The following DCAF8 variants were observed in gnomAD, a reference collection of about 807,000 sequenced individuals.
DCAF8 encodes the protein DDB1 and CUL4 associated factor 8, also known as DDB1- and CUL4-associated factor 8.
A neutral mutation model predicts 68.0 loss-of-function variants in DCAF8; 20 were observed. The observed-to-expected ratio is 0.29, with a 90% CI of 0.21 to 0.43. The LOEUF is 0.43. Ranked by LOEUF, DCAF8 falls within the 20% of genes least tolerant of loss-of-function variation. The pLI is 1.00. For missense variants in DCAF8, 460 were observed against 771.0 expected (o/e 0.60, Z 4.78); for synonymous variants, 230 against 276.9 (o/e 0.83, Z 1.68).
At chr1:160,222,490 T>C (rs144140924) in intron 11 of DCAF8, among the ~76,000 whole-genome samples, 161 bp downstream of exon 11, 1 of 152,342 alleles carries the variant, frequency 6.6e-6, no homozygotes, top group Admixed American at 6.5e-5. Flanking sequence ...AAATACTCCA[T>C]CAAAAACTCA....
At chr1:160,232,163 T>A (rs1655712483) in intron 6 of DCAF8, among the ~76,000 whole-genome samples, 1 of 151,604 alleles carries the variant, frequency 6.6e-6, no homozygotes, top group South Asian at 2.1e-4. Flanking sequence ...TGAGCAGAGA[T>A]CATGCCACGG....
chr1:160,250,937 G>A (rs1055026123), intron 2 of DCAF8, among the ~76,000 whole-genome samples: 4 of 151,980 alleles, frequency 2.6e-5, no homozygotes, highest in African/African-American at 9.7e-5. Flanking sequence ...CTTACCTTGA[G>A]CCCGATCGAA....
At chr1:160,224,416 A>G (rs752042764) in intron 10 of DCAF8, 26 bp downstream of exon 10, 53 of 1,587,064 alleles carry the variant, frequency 3.3e-5, no homozygotes, top group Non-Finnish European at 3.9e-5. Context: ...GGCTTGGGCC[A>G]AAGAAACCTA....
rs1213347937 is a variant in DCAF8 at position 160,240,140 on chromosome 1, G to C, written c.280C>G (p.Arg94Gly). 1.9e-6 allele frequency: 3 copies of C among 1,613,686 alleles called. No homozygotes were observed. Among genetic ancestry groups the C allele is most frequent in the East Asian group, 2.2e-5 (1 of 44,882 alleles). The stretch of plus-strand genomic sequence containing the variant: ...TCTTCCTCTGAGCGGTCATGGACTC[G>C]ATTTTCATCATTAATGGAGTAATGA... ...TGHYSINDEN[R>G]VHDRSEEEEE... Residue 94 changes from arginine to glycine, a missense_variant, in exon 4 of 14, where the codon CGA (arginine) becomes GGA (glycine). Transcript: ENST00000368074.
intron 4 of DCAF8, 191 bp from the exon 5 acceptor site, chr1:160,238,938 A>T: frequency 1.4e-6 from 1 of 717,342 alleles, no homozygotes; most frequent in East Asian, 3.3e-5. Flanking sequence ...GAGAGAAAAA[A>T]CTTCCTTTGA....
At chr1:160,246,748 G>A (rs1184814919) in intron 2 of DCAF8, among the ~76,000 whole-genome samples, 5 of 152,106 alleles carry the variant, frequency 3.3e-5, no homozygotes, top group South Asian at 2.1e-4. Context: ...TTGGGAGGCC[G>A]AGGCAGGAGT....
At chr1:160,224,012 A>G (rs568926193) in intron 10 of DCAF8, among the ~76,000 whole-genome samples, 4 of 152,330 alleles carry the variant, frequency 2.6e-5, no homozygotes, top group Non-Finnish European at 5.9e-5. Context: ...ATCTTGGGCT[A>G]GTTACTACCA....
intron 2 of DCAF8, among the ~76,000 whole-genome samples, chr1:160,250,486 A>AT (rs1656541903): frequency 6.6e-6 from 1 of 151,404 alleles, no homozygotes; most frequent in Admixed American, 6.6e-5. Context: ...AAAAAAAAAA[A>AT]CAGGATGAGA....
At chr1:160,221,817 C>CAAAAAAAAAAAAAAAAAAA (rs58539770) in intron 11 of DCAF8, among the ~76,000 whole-genome samples, 2 of 62,172 alleles carry the variant, frequency 3.2e-5, no homozygotes, top group African/African-American at 5.3e-5. Flanking sequence ...TTCTAGGTCT[C>CAAAAAAAAAAAAAAAAAAA]AAAAAAAAAA....
At chr1:160,243,406 C>CTTT (rs35258380) in intron 3 of DCAF8, among the ~76,000 whole-genome samples, 39 of 138,978 alleles carry the variant, frequency 2.8e-4, no homozygotes, top group Middle Eastern at 3.8e-3. Flanking sequence ...ATGTAATCAC[C>CTTT]TTTTTTTTTT....
rs1352479499 is a variant in DCAF8, at chr1:160,216,494, C to CG, written c.*1097_*1098insC. 6.6e-6 allele frequency: 1 copy of CG among 152,480 alleles called. No individual in the cohort carries two copies. Among genetic ancestry groups the CG allele is most frequent in the Non-Finnish European group, 1.5e-5 (1 of 68,042 alleles). 9.4% of individuals were successfully genotyped at this position (152,480 alleles called of 1,614,324 possible). A position where few individuals can be genotyped will look rare whatever the true frequency, so the allele number is the denominator to read the frequency against. ...TCTGAGGCAGAGCTGAGAGGAATTT[C>CG]CTGTTTTTCCCAACCCCTACACCAA... On this transcript the variant is annotated 3_prime_UTR_variant, in exon 14 of 14. Coordinates refer to ENST00000368074, the MANE Select transcript of DCAF8 (RefSeq NM_015726.4).
chr1:160,258,445 A>C (rs968273754), intron 2 of DCAF8, among the ~76,000 whole-genome samples: 4 of 152,130 alleles, frequency 2.6e-5, no homozygotes, highest in African/African-American at 4.8e-5. Context: ...AATACTACCT[A>C]ATAAGATGTC....
chr1:160,238,532 G>T, intron 5 of DCAF8, 75 bp downstream of exon 5: 1 of 1,449,842 alleles, frequency 6.9e-7, no homozygotes, highest in South Asian at 1.4e-5. Flanking sequence ...ACAATGGGCA[G>T]AGATAAGGGA....
At chr1:160,229,738 T>C (rs888614231) in intron 7 of DCAF8, among the ~76,000 whole-genome samples, 1 of 151,780 alleles carries the variant, frequency 6.6e-6, no homozygotes. Flanking sequence ...ATAAAAAAAA[T>C]TGGCCAGGCA....
At chr1:160,229,279 AAGTGAGACTCTGT>A (rs1230253141) in intron 7 of DCAF8, among the ~76,000 whole-genome samples, 1 of 151,978 alleles carries the variant, frequency 6.6e-6, no homozygotes, top group African/African-American at 2.4e-5. Flanking sequence ...CTGGGCAACA[AAGTGAGACTCTGT>A]CTCAAAAAAA....
In DCAF8 at chr1:160,227,003, G is replaced by A. The variant is rs145383018; in HGVS notation, c.1071-1340C>T. Among the ~76,000 whole-genome samples, 251 of 152,286 alleles carry A rather than the reference G, an allele frequency of 1.6e-3. 1 individual carries two copies. Among genetic ancestry groups the A allele is most frequent in the African/African-American group, 5.4e-3 (225 of 41,558 alleles). On this transcript the variant is annotated intron_variant, in intron 7 of 13. Coordinates refer to ENST00000368074, the MANE Select transcript of DCAF8 (RefSeq NM_015726.4). ...AAAATACAGAGAAGATTTTCCCTTCGCCCTTTAGAATCTCTGGCCTGTTTC... is the reference window on the plus strand; with the variant it reads ...AAAATACAGAGAAGATTTTCCCTTCACCCTTTAGAATCTCTGGCCTGTTTC...
intron 10 of DCAF8, 94 bp from the exon 11 acceptor site, chr1:160,222,875 A>C: frequency 1.3e-6 from 2 of 1,530,134 alleles, no homozygotes; most frequent in Non-Finnish European, 8.9e-7. Context: ...CACAAACTCT[A>C]AATCAGCTAG....
At chr1:160,236,263 A>ACAC (rs60453098) in intron 6 of DCAF8, among the ~76,000 whole-genome samples, 39,738 of 144,438 alleles carry the variant, frequency 0.28, 5,881 homozygotes, top group Non-Finnish European at 0.35. Flanking sequence ...ATCACACACA[A>ACAC]ACACACACAC....
At chr1:160,255,005 A>G (rs888020661) in intron 2 of DCAF8, among the ~76,000 whole-genome samples, 10 of 152,164 alleles carry the variant, frequency 6.6e-5, no homozygotes, top group African/African-American at 1.7e-4. Flanking sequence ...CATAGTAGCC[A>G]TTTATATTAT....
Sources: gnomAD v4.1 joint callset for allele counts (sites outside exome capture counted in the v4.1 genomes callset) on GRCh38, gnomAD v4.1.1 for gene constraint, MANE v1.5 for transcripts, NCBI Gene and HGNC (gene_info 2026-07-23, HGNC 2026-07-21) for gene names.